Variants in KIF1C observed in about 807,000 individuals in gnomAD.
The protein encoded by KIF1C is kinesin family member 1C.
A neutral mutation model predicts 126.5 loss-of-function variants in KIF1C; 61 were observed. The ratio of observed to expected loss-of-function variants is 0.48; its 90% CI spans 0.39 to 0.60. The LOEUF (loss-of-function observed/expected upper bound fraction) is 0.60, where lower values mean the gene tolerates loss of function less well. KIF1C is among the 20% of genes least tolerant of loss of function. The pLI is 0.00. For missense variants in KIF1C, 1,315 were observed against 1,489.2 expected (o/e 0.88, Z 1.93); for synonymous variants, 640 against 580.6 (o/e 1.10, Z -1.47).
chr17:5,021,232 G>A (rs1019403972), intron 21 of KIF1C, among the ~76,000 whole-genome samples: 1 of 146,782 alleles, frequency 6.8e-6, no homozygotes, highest in African/African-American at 2.5e-5. Context: ...GAACGCAGTG[G>A]GATGATCTCG....
rs76932444 is a variant in KIF1C at position 4,999,493 on chromosome 17, C to T, written c.-148-357C>T. ...CTTTCCTTCATAGCATGACCTCAGG[C>T]TTGCCTTTTGTCTTATTTCTCTAAT... On this transcript the variant is annotated intron_variant, in intron 1 of 22. Transcript: ENST00000320785. Among the ~76,000 whole-genome samples, 1,384 of 152,050 alleles carry T rather than the reference C, an allele frequency of 9.1e-3. 24 individuals carry two copies. The highest frequency in any genetic ancestry group is 0.032 in the African/African-American group (1,309 of 41,460).
chr17:5,013,374 G>A lies in KIF1C; in HGVS notation c.1492-279G>A, dbSNP rs1974906973. 2.6e-5 allele frequency among the ~76,000 whole-genome samples: 4 copies of A among 152,302 alleles called. No individual in the cohort carries two copies. The South Asian group carries it at 8.3e-4, about 32-fold the overall frequency. The stretch of plus-strand genomic sequence containing the variant: ...GGGAAGGGTTGCTGACCTGGATGCA[G>A]CTGGATGGGTGGGGCAATTTTTGTC... On this transcript the variant is annotated intron_variant, in intron 16 of 22. Transcript: ENST00000320785.
In KIF1C at chr17:5,022,505, C is replaced by T. The variant is rs1567728821; in HGVS notation, c.2424C>T (p.Gly808=). The change falls in exon 22 of 23, where the codon GGC becomes GGT. Residue 808 remains glycine (G), a synonymous_variant. Coordinates refer to ENST00000320785, the MANE Select transcript of KIF1C (RefSeq NM_006612.6). This position sits in a 1 kb window ranked among gnomAD's most constrained non-coding sequence, Gnocchi z 4.9. ...CCCGGGATGTCTGGGACACTGTAGG[C>T]GAGGAGGAAGGAGGTGGAGCTGGCA... ...AVARDVWDTV[G]EEEGGGAGSG... is the part of the protein sequence containing the mutation. The T allele has an allele frequency of 8.8e-6, 14 of 1,587,260 alleles. No individual in the cohort carries two copies. Among genetic ancestry groups the T allele is most frequent in the South Asian group, 1.1e-5 (1 of 87,788 alleles).
chr17:5,000,901 G>A, intron 4 of KIF1C, 53 bp downstream of exon 4: 2 of 1,534,372 alleles, frequency 1.3e-6, no homozygotes, highest in South Asian at 1.1e-5. Flanking sequence ...GAGGATTTAG[G>A]TCCTGGGGAG....
At position 4,999,965 on chromosome 17, in the gene KIF1C, C is replaced by T. The variant is rs984297990; in HGVS notation, c.-33C>T. On this transcript the variant is annotated 5_prime_UTR_variant, in exon 2 of 23. In the 5' UTR this introduces an upstream ATG that the reference lacks. Coordinates refer to ENST00000320785, the MANE Select transcript of KIF1C (RefSeq NM_006612.6). ...CAGCCCCCCTGGTCTGGGGCCAGGA[C>T]GCCAGGTAACTGGGGGAGACCGCCC... is the stretch of plus-strand genomic sequence containing the variant. 2.7e-5 allele frequency: 12 copies of T among 439,492 alleles called. No individual in the cohort carries two copies. Among genetic ancestry groups the T allele is most frequent in the African/African-American group, 7.9e-5 (4 of 50,324 alleles). 27.2% of individuals were successfully genotyped at this position (439,492 alleles called of 1,614,324 possible). A position where few individuals can be genotyped will look rare whatever the true frequency, so the allele number is the denominator to read the frequency against.
Position 5,014,793 on chromosome 17 carries a change from A to T in KIF1C, c.1622A>T (p.Glu541Val). 6.2e-7 allele frequency: 1 copy of T among 1,602,658 alleles called. No homozygotes were observed. Among genetic ancestry groups the T allele is most frequent in the Non-Finnish European group, 8.5e-7 (1 of 1,175,070 alleles). Residue 541 changes from glutamate to valine, a missense_variant, in exon 18 of 23, where the codon GAG becomes GTG. Around this residue, in one of 2 missense-constraint regions of KIF1C, gnomAD observed 874 missense variants for 1,053.2 expected, o/e 0.83. Transcript: ENST00000320785. ...AAGCTGACCGGACAGTTCATTCGGG[A>T]GCAACACTGTCTGTTCCGGAGCATC... ...DIKLTGQFIREQHCLFRSIPQ... is the reference protein window; with the variant it reads ...DIKLTGQFIRVQHCLFRSIPQ...
chr17:5,009,786 C>CAA (rs1213067279), intron 16 of KIF1C, among the ~76,000 whole-genome samples: 3 of 89,812 alleles, frequency 3.3e-5, no homozygotes, highest in African/African-American at 8.0e-5. Flanking sequence ...GACTCTGTCT[C>CAA]AAAAAAAAAA....
intron 16 of KIF1C, among the ~76,000 whole-genome samples, chr17:5,011,061 T>C (rs905247085): frequency 6.6e-6 from 1 of 152,160 alleles, no homozygotes; most frequent in Admixed American, 6.5e-5. Flanking sequence ...CATTCTGGCT[T>C]AGTAAGACTT....
rs1429582132 is a variant in KIF1C, at chr17:5,022,970, G to GT, written c.2628+264dup. 1.2e-4 allele frequency among the ~76,000 whole-genome samples: 19 copies of GT among 152,204 alleles called. No homozygotes were observed. Among genetic ancestry groups the GT allele is most frequent in the Admixed American group, 1.2e-3 (19 of 15,284 alleles). On this transcript the variant is annotated intron_variant, in intron 22 of 22. Coordinates refer to ENST00000320785, the MANE Select transcript of KIF1C (RefSeq NM_006612.6). This position sits in a 1 kb window ranked among gnomAD's most constrained non-coding sequence, Gnocchi z 4.9. ...TCTGCATTTATAATAAGCTCTGGGT[G>GT]TTTCTGAAATACAGTGAAGTCTAAG...
Position 5,020,826 on chromosome 17 carries a change from A to T in KIF1C, c.1958A>T (p.Gln653Leu). Residue 653 changes from glutamine to leucine, a missense_variant, in exon 21 of 23, where the codon CAG becomes CTG. Gln to Leu is a moderately radical substitution (Grantham distance 113). Around this residue, in one of 2 missense-constraint regions of KIF1C, gnomAD observed 874 missense variants for 1,053.2 expected, o/e 0.83. Transcript: ENST00000320785. This position sits in a 1 kb window ranked among gnomAD's most constrained non-coding sequence, Gnocchi z 5.8. ...MEKRLQDLENQYRKEKEEADL... is the reference protein window; with the variant it reads ...MEKRLQDLENLYRKEKEEADL... ...CCCAGGCTGCAGGATCTGGAGAATC[A>T]GTACCGGAAAGAAAAGGAAGAAGCC... is the stretch of plus-strand genomic sequence containing the variant. 1 of 1,593,298 alleles carries T rather than the reference A, an allele frequency of 6.3e-7. No homozygotes were observed. Among genetic ancestry groups the T allele is most frequent in the Non-Finnish European group, 8.5e-7 (1 of 1,169,638 alleles).
rs1210596198 is a variant in KIF1C at position 5,020,038 on chromosome 17, T to C, written c.1709T>C (p.Val570Ala). Residue 570 changes from valine (V) to alanine (A), a missense_variant, in exon 19 of 23, where the codon GTG becomes GCG. By Grantham distance (64) the Val-to-Ala change is moderately conservative (BLOSUM62 0). Transcript: ENST00000320785. This position sits in a 1 kb window ranked among gnomAD's most constrained non-coding sequence, Gnocchi z 5.8. ...LEPCEGAETY[V>A]NGKLVTEPLV... Reference sequence around the variant, plus strand: ...CCTTGTGAAGGAGCTGAGACATATGTGAATGGGAAGCTTGTGACGGAGCCG... The same window carrying C: ...CCTTGTGAAGGAGCTGAGACATATGCGAATGGGAAGCTTGTGACGGAGCCG... 1 of 1,605,078 alleles carries C rather than the reference T, an allele frequency of 6.2e-7. No homozygotes were observed. Among genetic ancestry groups the C allele is most frequent in the Non-Finnish European group, 8.5e-7 (1 of 1,175,694 alleles).
At position 5,020,033 on chromosome 17, in the gene KIF1C, A is replaced by T. The variant is rs752447534; in HGVS notation, c.1704A>T (p.Thr568=). ...TGGAGCCTTGTGAAGGAGCTGAGAC[A>T]TATGTGAATGGGAAGCTTGTGACGG... ...VTLEPCEGAE[T]YVNGKLVTEP... is the part of the protein sequence containing the mutation. The change falls in exon 19 of 23, where the codon ACA becomes ACT. Residue 568 remains threonine (T), a synonymous_variant. Transcript: ENST00000320785. The surrounding 1 kb of genome is among the most constrained non-coding windows in gnomAD (Gnocchi z 5.8). 3.7e-6 allele frequency: 6 copies of T among 1,605,464 alleles called. No homozygotes were observed. The highest frequency in any genetic ancestry group is 1.3e-5 in the African/African-American group (1 of 74,760).
chr17:5,015,582 C>CTTTTTTTTTTTT (rs58961639), intron 18 of KIF1C, among the ~76,000 whole-genome samples: 6 of 71,244 alleles, frequency 8.4e-5, no homozygotes, highest in Non-Finnish European at 1.3e-4. Context: ...CTGCCCCCAG[C>CTTTTTTTTTTTT]TTTTTTTTTT....
At chr17:5,009,657 G>A (rs1159015981) in intron 16 of KIF1C, among the ~76,000 whole-genome samples, 8 of 151,234 alleles carry the variant, frequency 5.3e-5, no homozygotes, top group East Asian at 2.1e-4. Context: ...GTGTGCTGGC[G>A]GGCGCCTGTA....
intron 13 of KIF1C, 105 bp downstream of exon 13, chr17:5,005,105 T>C: frequency 7.1e-7 from 1 of 1,410,880 alleles, no homozygotes; most frequent in Non-Finnish European, 9.8e-7. Context: ...CCACACACTA[T>C]GAAACCTTTC....
intron 16 of KIF1C, 85 bp from the exon 17 acceptor site, chr17:5,013,568 G>T: frequency 1.1e-6 from 1 of 919,398 alleles, no homozygotes; most frequent in Non-Finnish European, 1.8e-6. Flanking sequence ...AGGACTGGAG[G>T]GGTGTCTCCT....
Position 5,006,495 on chromosome 17 carries a change from C to T in KIF1C, c.1166-420C>T, listed in dbSNP as rs534919221. 2.6e-5 allele frequency among the ~76,000 whole-genome samples: 4 copies of T among 151,204 alleles called. No individual in the cohort carries two copies. The South Asian group carries it at 6.3e-4, about 24-fold the overall frequency. ...AGGATTACAGGTGCCTGCCACCACA[C>T]CAGGCTAATTTTTGTATTTTAGTAG... is the stretch of plus-strand genomic sequence containing the variant. On this transcript the variant is annotated intron_variant, in intron 13 of 22. Coordinates refer to ENST00000320785, the MANE Select transcript of KIF1C (RefSeq NM_006612.6).
In KIF1C at chr17:5,024,232, G is replaced by T; in HGVS notation, c.*81G>T. On this transcript the variant is annotated 3_prime_UTR_variant, in exon 23 of 23. Coordinates refer to ENST00000320785, the MANE Select transcript of KIF1C (RefSeq NM_006612.6). ...CGCCCGAGACGCTGCTTCCCCAGAA[G>T]TGCTGGGGCAGGGAGGCCCAGGAGA... 3.8e-6 allele frequency: 4 copies of T among 1,046,888 alleles called. No homozygotes were observed. The highest frequency in any genetic ancestry group is 5.6e-6 in the Non-Finnish European group (4 of 712,914). 64.8% of individuals were successfully genotyped at this position (1,046,888 alleles called of 1,614,324 possible).
chr17:5,017,495 G>A (rs527383493), intron 18 of KIF1C, among the ~76,000 whole-genome samples: 43 of 151,878 alleles, frequency 2.8e-4, no homozygotes, highest in African/African-American at 9.9e-4. Context: ...TAGTAGAGAC[G>A]GGGTTTCGCC....
Sources: gnomAD v4.1 joint callset for allele counts (sites outside exome capture counted in the v4.1 genomes callset) on GRCh38, gnomAD v4.1.1 for gene constraint, gnomAD v4.1.1 regional missense constraint, Gnocchi (gnomAD v3.1) non-coding constraint, MANE v1.5 for transcripts, NCBI Gene and HGNC (gene_info 2026-07-23, HGNC 2026-07-21) for gene names.